The following SLC25A26 variants were observed in gnomAD, a reference collection of about 807,000 sequenced individuals.
SLC25A26 encodes solute carrier family 25 member 26, also known as mitochondrial S-adenosylmethionine carrier protein.
Under a neutral mutation model 37.8 loss-of-function variants are expected in SLC25A26, and 36 were observed. The ratio of observed to expected loss-of-function variants is 0.95; its 90% CI spans 0.73 to 1.26. The LOEUF (loss-of-function observed/expected upper bound fraction) is 1.26. Among genes scored for constraint, SLC25A26 ranks in the 50% most tolerant of loss-of-function variants. The probability of loss-of-function intolerance (pLI) is 0.00; values close to 1 mark genes in which losing one functional copy is unlikely to be tolerated. For missense variants in SLC25A26, 390 were observed against 331.1 expected, an observed-to-expected ratio of 1.18 and a Z score of -1.38; for synonymous variants, 129 against 122.5, an observed-to-expected ratio of 1.05 and a Z score of -0.35.
Position 66,341,875 on chromosome 3 carries a change from A to G in SLC25A26, c.454-4489A>G, listed in dbSNP as rs553624947. ...TTTACTATTGGAATTCTTTCCTGCTATGTTTAATACTAGCAGACTAGCTTT... is the reference window on the plus strand; with the variant it reads ...TTTACTATTGGAATTCTTTCCTGCTGTGTTTAATACTAGCAGACTAGCTTT... On this transcript the variant is annotated intron_variant, in intron 5 of 9. Transcript: ENST00000354883. Among the ~76,000 whole-genome samples, 222 of 152,262 alleles carry G rather than the reference A, an allele frequency of 1.5e-3. 1 individual carries two copies. The highest frequency in any genetic ancestry group is 5.0e-3 in the African/African-American group (208 of 41,554).
chr3:66,227,121 G>A (rs1487329990), intron 1 of SLC25A26, among the ~76,000 whole-genome samples: 1 of 152,138 alleles, frequency 6.6e-6, no homozygotes, highest in Non-Finnish European at 1.5e-5. Context: ...TCAATGTTGT[G>A]AGTTCGTTTA....
At chr3:66,209,899 TATATATATATATATA>T (rs2071257960) in intron 1 of SLC25A26, among the ~76,000 whole-genome samples, 1 of 5,650 alleles carries the variant, frequency 1.8e-4, no homozygotes. Context: ...TCTCTCTATT[TATATATATATATATA>T]TATATATATA....
chr3:66,161,840 A>T (rs1282218405), intron 1 of SLC25A26, among the ~76,000 whole-genome samples: 1 of 152,202 alleles, frequency 6.6e-6, no homozygotes, highest in Admixed American at 6.5e-5. Context: ...CCACCTCACC[A>T]ACTCACACAC....
chr3:66,293,740 A>T (rs960104139), intron 5 of SLC25A26, among the ~76,000 whole-genome samples: 1 of 152,176 alleles, frequency 6.6e-6, no homozygotes, highest in South Asian at 2.1e-4. Flanking sequence ...TTACGGCTGT[A>T]TAGTATTCAT....
intron 1 of SLC25A26, among the ~76,000 whole-genome samples, chr3:66,207,083 G>A (rs2071190990): frequency 1.3e-5 from 2 of 151,828 alleles, no homozygotes; most frequent in Admixed American, 1.3e-4. Flanking sequence ...AAAAGACTCG[G>A]TAGGCTTTAA....
chr3:66,258,533 C>T (rs1259675736), intron 3 of SLC25A26, among the ~76,000 whole-genome samples: 1 of 152,182 alleles, frequency 6.6e-6, no homozygotes, highest in African/African-American at 2.4e-5. Flanking sequence ...CTCCCGCTTG[C>T]TCCAAACAGC....
intron 1 of SLC25A26, among the ~76,000 whole-genome samples, chr3:66,175,128 TATATATATATATACACAC>T (rs1559560905): frequency 6.5e-5 from 6 of 92,866 alleles, no homozygotes; most frequent in Non-Finnish European, 1.4e-4. Flanking sequence ...TATATATATA[TATATATATATATACACAC>T]ACACACACAC....
At chr3:66,222,701 T>G (rs1050425236) in intron 1 of SLC25A26, among the ~76,000 whole-genome samples, 2 of 152,172 alleles carry the variant, frequency 1.3e-5, no homozygotes, top group African/African-American at 4.8e-5. Flanking sequence ...TGAGATCCAT[T>G]TCGTCTGTGT....
intron 1 of SLC25A26, among the ~76,000 whole-genome samples, chr3:66,190,287 C>A (rs2070912897): frequency 6.7e-6 from 1 of 150,210 alleles, no homozygotes; most frequent in Non-Finnish European, 1.5e-5. Flanking sequence ...TGCACTCCAG[C>A]CTGGACAACA....
At chr3:66,196,179 G>A (rs2106803356) in intron 1 of SLC25A26, among the ~76,000 whole-genome samples, 1 of 152,124 alleles carries the variant, frequency 6.6e-6, no homozygotes, top group South Asian at 2.1e-4. Flanking sequence ...GAAAACCCAG[G>A]GGACAGAAAG....
intron 1 of SLC25A26, among the ~76,000 whole-genome samples, chr3:66,147,906 G>A (rs560008359): frequency 1.0e-3 from 159 of 152,208 alleles, no homozygotes; most frequent in African/African-American, 3.8e-3. Context: ...TTACAGGCGT[G>A]TACCACCATG....
intron 5 of SLC25A26, among the ~76,000 whole-genome samples, chr3:66,326,849 G>A (rs2075851383): frequency 1.3e-5 from 2 of 152,150 alleles, no homozygotes; most frequent in South Asian, 4.1e-4. Context: ...CCGGACAGTC[G>A]AGTCTGTGGT....
chr3:66,246,019 C>G (rs955792666), intron 3 of SLC25A26, among the ~76,000 whole-genome samples: 5 of 152,206 alleles, frequency 3.3e-5, no homozygotes, highest in Non-Finnish European at 7.3e-5. Context: ...CTTTCTATCT[C>G]TATGAATTTG....
At chr3:66,312,349 C>A (rs1054941416) in intron 5 of SLC25A26, among the ~76,000 whole-genome samples, 4 of 152,150 alleles carry the variant, frequency 2.6e-5, no homozygotes. Flanking sequence ...AACCCAATCA[C>A]CCCAGGTCGA....
chr3:66,244,955 C>T (rs1016584378), intron 3 of SLC25A26, among the ~76,000 whole-genome samples: 5 of 151,980 alleles, frequency 3.3e-5, no homozygotes, highest in African/African-American at 1.2e-4. Context: ...CCAGCCTAGG[C>T]GACAGAGCGA....
chr3:66,208,050 ATAG>A (rs2071203635), intron 1 of SLC25A26, among the ~76,000 whole-genome samples: 3 of 152,222 alleles, frequency 2.0e-5, no homozygotes, highest in Non-Finnish European at 1.5e-5. Flanking sequence ...AAGACTTTAT[ATAG>A]TTAAATTGCT....
chr3:66,279,736 T>C (rs1168224188), intron 5 of SLC25A26, among the ~76,000 whole-genome samples: 1 of 152,208 alleles, frequency 6.6e-6, no homozygotes, highest in African/African-American at 2.4e-5. Context: ...GATTATGTTT[T>C]GGAAATAAGT....
chr3:66,363,127 A>G (rs1483672716), intron 7 of SLC25A26, among the ~76,000 whole-genome samples, 198 bp downstream of exon 7: 1 of 151,118 alleles, frequency 6.6e-6, no homozygotes, highest in East Asian at 1.9e-4. Flanking sequence ...CTGAAAGACA[A>G]CCAATTTGTT....
At chr3:66,309,433 A>T (rs555066765) in intron 5 of SLC25A26, among the ~76,000 whole-genome samples, 2 of 151,714 alleles carry the variant, frequency 1.3e-5, no homozygotes, top group South Asian at 4.2e-4. Flanking sequence ...CTATTTTGTT[A>T]ATCTTTTCAA....
Sources: gnomAD v4.1 joint callset for allele counts (sites outside exome capture counted in the v4.1 genomes callset) on GRCh38, gnomAD v4.1.1 for gene constraint, MANE v1.5 for transcripts, NCBI Gene and HGNC (gene_info 2026-07-23, HGNC 2026-07-21) for gene names.